CSRNP3: variants seen among roughly 807,000 people sequenced by gnomAD.
CSRNP3 encodes the protein cysteine/serine-rich nuclear protein 3.
In CSRNP3, 12 loss-of-function variants were observed where a neutral mutation model predicts 48.0. The ratio of observed to expected loss-of-function variants is 0.25; its 90% CI spans 0.16 to 0.41. The LOEUF (loss-of-function observed/expected upper bound fraction) is 0.41. Among genes scored for constraint, CSRNP3 ranks in the 10% least tolerant of loss-of-function variants. The probability of loss-of-function intolerance (pLI) is 1.00; values close to 1 mark genes in which losing one functional copy is unlikely to be tolerated. For synonymous variants in CSRNP3, 263 were observed against 269.7 expected, an observed-to-expected ratio of 0.98 and a Z score of 0.24; for missense variants, 580 against 724.4, an observed-to-expected ratio of 0.80 and a Z score of 2.29.
intron 1 of CSRNP3, among the ~76,000 whole-genome samples, chr2:165,472,347 A>T (rs1218250559): frequency 6.6e-6 from 1 of 151,996 alleles, no homozygotes; most frequent in Non-Finnish European, 1.5e-5. Flanking sequence ...CAACAACCTA[A>T]AAGCTATTTG....
intron 1 of CSRNP3, among the ~76,000 whole-genome samples, chr2:165,471,619 C>T (rs1383844886): frequency 5.3e-5 from 8 of 152,052 alleles, no homozygotes; most frequent in Admixed American, 2.6e-4. Flanking sequence ...TTTTAATAAT[C>T]ACTAAGGGAG....
intron 1 of CSRNP3, among the ~76,000 whole-genome samples, chr2:165,474,124 T>C (rs901603324): frequency 6.6e-6 from 1 of 152,292 alleles, no homozygotes; most frequent in Non-Finnish European, 1.5e-5. Context: ...TCTCCTGACT[T>C]GTGCACATTC....
At chr2:165,598,153 G>T (rs1343423366) in intron 4 of CSRNP3, among the ~76,000 whole-genome samples, 2 of 152,132 alleles carry the variant, frequency 1.3e-5, no homozygotes, top group African/African-American at 2.4e-5. Context: ...GGGTTGGGGA[G>T]GAGAGAGAGA....
chr2:165,515,147 G>A (rs961291837), intron 2 of CSRNP3, among the ~76,000 whole-genome samples: 31 of 128,156 alleles, frequency 2.4e-4, no homozygotes, highest in African/African-American at 9.1e-4. Flanking sequence ...GTGAAACCCC[G>A]TCTCAACTAA....
intron 2 of CSRNP3, among the ~76,000 whole-genome samples, chr2:165,509,540 G>A (rs1684473071): frequency 1.3e-5 from 2 of 152,126 alleles, no homozygotes. Flanking sequence ...AATGCTGATT[G>A]TTTGGCTGTG....
chr2:165,629,355 T>C (rs1573930247), intron 4 of CSRNP3, among the ~76,000 whole-genome samples: 1 of 152,288 alleles, frequency 6.6e-6, no homozygotes, highest in African/African-American at 2.4e-5. Flanking sequence ...CATTATATAG[T>C]ATTCAACAAC....
At position 165,684,876 on chromosome 2, in the gene CSRNP3, T is replaced by C. The variant is rs968612255; in HGVS notation, c.*5123T>C. The C allele has an allele frequency of 2.0e-5, 3 of 152,100 alleles. No homozygotes were observed. Among genetic ancestry groups the C allele is most frequent in the Admixed American group, 6.6e-5 (1 of 15,214 alleles). 9.4% of individuals were successfully genotyped at this position (152,100 alleles called of 1,614,324 possible). A position where few individuals can be genotyped will look rare whatever the true frequency, so the allele number is the denominator to read the frequency against. On this transcript the variant is annotated 3_prime_UTR_variant, in exon 7 of 7. Coordinates refer to ENST00000651982, the MANE Select transcript of CSRNP3 (RefSeq NM_001172173.2). ...AGCTCAGCAGAGCTAAGCCAGATCTTATTACATCATAAAGACTAGAGTTAC... is the reference window on the plus strand; with the variant it reads ...AGCTCAGCAGAGCTAAGCCAGATCTCATTACATCATAAAGACTAGAGTTAC...
At chr2:165,504,880 T>A (rs1225329480) in intron 2 of CSRNP3, among the ~76,000 whole-genome samples, 1 of 152,122 alleles carries the variant, frequency 6.6e-6, no homozygotes, top group Non-Finnish European at 1.5e-5. Context: ...ACTGAAGACG[T>A]ATTGCTGCAT....
Position 165,558,701 on chromosome 2 carries a change from A to G in CSRNP3, c.-23-36342A>G, listed in dbSNP as rs1184915425. On this transcript the variant is annotated intron_variant, in intron 3 of 6. Transcript: ENST00000651982. ...TATGTAGCCGCAATAATTACAAATT[A>G]AAAAAATTAAAGTAAACAGCATGCA... Among the ~76,000 whole-genome samples, 6 of 152,186 alleles carry G rather than the reference A, an allele frequency of 3.9e-5. No homozygotes were observed. The South Asian group carries it at 8.3e-4, about 21-fold the overall frequency.
At chr2:165,501,855 C>CA (rs2105465873) in intron 2 of CSRNP3, among the ~76,000 whole-genome samples, 1 of 152,180 alleles carries the variant, frequency 6.6e-6, no homozygotes, top group South Asian at 2.1e-4. Context: ...ATCAGATGTT[C>CA]ATGAAGATTC....
In CSRNP3 at chr2:165,689,039, A is replaced by G. The variant is rs1687675257; in HGVS notation, c.*9286A>G. The G allele has an allele frequency of 6.6e-6, 1 of 152,126 alleles. No homozygotes were observed. Among genetic ancestry groups the G allele is most frequent in the South Asian group, 2.1e-4 (1 of 4,832 alleles). The allele number at this position is 152,126 out of a possible 1,614,324, so 9.4% of individuals were successfully genotyped here. ...ATTAAGATGTCATGTTGTATGTCAC[A>G]CAGTTTCTAGATTGATTTCTCTTGT... On this transcript the variant is annotated 3_prime_UTR_variant, in exon 7 of 7. Transcript: ENST00000651982.
At chr2:165,571,346 A>G (rs1164221778) in intron 3 of CSRNP3, among the ~76,000 whole-genome samples, 3 of 152,024 alleles carry the variant, frequency 2.0e-5, no homozygotes, top group African/African-American at 7.2e-5. Flanking sequence ...CAGTCATTAA[A>G]GAGATAAGAA....
intron 1 of CSRNP3, among the ~76,000 whole-genome samples, chr2:165,490,035 TTATC>T (rs1324804962): frequency 6.6e-6 from 1 of 151,814 alleles, no homozygotes; most frequent in African/African-American, 2.4e-5. Flanking sequence ...ACATGATTGT[TTATC>T]TAGAAATCCC....
intron 5 of CSRNP3, among the ~76,000 whole-genome samples, chr2:165,666,092 GGA>G (rs1385947376): frequency 5.3e-5 from 6 of 112,388 alleles, no homozygotes; most frequent in African/African-American, 1.4e-4. Flanking sequence ...AAGGAAGGAA[GGA>G]GAGAGAGGAA....
chr2:165,475,190 TA>T (rs949068906), intron 1 of CSRNP3, among the ~76,000 whole-genome samples: 2,422 of 149,130 alleles, frequency 0.016, 61 homozygotes, highest in African/African-American at 0.055. Flanking sequence ...AAAAGTGATT[TA>T]AAAAAAAAAG....
chr2:165,516,837 A>G (rs966781821), intron 2 of CSRNP3, among the ~76,000 whole-genome samples: 2 of 152,134 alleles, frequency 1.3e-5, no homozygotes, highest in African/African-American at 4.8e-5. Context: ...TAAAGTTTAA[A>G]GGAAAAAAGA....
chr2:165,485,332 TAAAGA>T (rs1684098432), intron 1 of CSRNP3, among the ~76,000 whole-genome samples: 2 of 152,148 alleles, frequency 1.3e-5, no homozygotes, highest in South Asian at 2.1e-4. Context: ...TTATATTAGA[TAAAGA>T]AATCAATTAA....
intron 4 of CSRNP3, among the ~76,000 whole-genome samples, chr2:165,603,130 C>A (rs1685945595): frequency 6.6e-6 from 1 of 152,128 alleles, no homozygotes; most frequent in African/African-American, 2.4e-5. Flanking sequence ...CTCCTGACCT[C>A]ATGATCCGCC....
intron 3 of CSRNP3, among the ~76,000 whole-genome samples, chr2:165,521,942 A>C (rs1190480977): frequency 6.6e-6 from 1 of 152,152 alleles, no homozygotes; most frequent in Non-Finnish European, 1.5e-5. Context: ...CATCCACTCT[A>C]CTACAACAAC....
Sources: gnomAD v4.1 joint callset for allele counts (sites outside exome capture counted in the v4.1 genomes callset) on GRCh38, gnomAD v4.1.1 for gene constraint, MANE v1.5 for transcripts, NCBI Gene and HGNC (gene_info 2026-07-23, HGNC 2026-07-21) for gene names.